The following C8orf34 variants were observed in gnomAD, a reference collection of about 807,000 sequenced individuals.
The protein encoded by C8orf34 is chromosome 8 open reading frame 34.
C8orf34 carries 65 observed loss-of-function variants against 68.3 expected under a neutral mutation model. That is an observed-to-expected ratio of 0.95 (90% CI 0.78 to 1.17). C8orf34 has a LOEUF of 1.17. Ranked by LOEUF, C8orf34 falls within the 50% of genes most tolerant of loss-of-function variation. The pLI is 0.00. For missense variants in C8orf34, 664 were observed against 655.4 expected (o/e 1.01, Z -0.14); for synonymous variants, 244 against 241.2 (o/e 1.01, Z -0.11).
chr8:68,441,342 T>C (rs1433036809), intron 2 of C8orf34, among the ~76,000 whole-genome samples: 1 of 152,136 alleles, frequency 6.6e-6, no homozygotes, highest in Non-Finnish European at 1.5e-5. Flanking sequence ...TCTGACTGAC[T>C]TTCAGCCAGG....
chr8:68,485,020 C>T (rs1197720328), intron 4 of C8orf34, among the ~76,000 whole-genome samples: 2 of 152,200 alleles, frequency 1.3e-5, no homozygotes, highest in Non-Finnish European at 2.9e-5. Flanking sequence ...ACCAAGTTTT[C>T]CATTTAGCTA....
At chr8:68,484,878 A>G (rs1813009314) in intron 4 of C8orf34, among the ~76,000 whole-genome samples, 1 of 152,248 alleles carries the variant, frequency 6.6e-6, no homozygotes, top group African/African-American at 2.4e-5. Context: ...TAGAGTGGAG[A>G]TTTATTTGGA....
chr8:68,725,608 C>T (rs1821806728), intron 10 of C8orf34, among the ~76,000 whole-genome samples: 1 of 152,072 alleles, frequency 6.6e-6, no homozygotes, highest in African/African-American at 2.4e-5. Context: ...TTGTCATTTC[C>T]GTGGCTTATC....
chr8:68,553,115 G>A (rs958346183), intron 7 of C8orf34, among the ~76,000 whole-genome samples: 3 of 151,916 alleles, frequency 2.0e-5, no homozygotes, highest in Admixed American at 6.6e-5. Flanking sequence ...GCCAGGCATG[G>A]TGGCTCACAC....
intron 4 of C8orf34, among the ~76,000 whole-genome samples, chr8:68,485,789 C>T (rs1369039546): frequency 1.3e-5 from 2 of 149,188 alleles, no homozygotes; most frequent in Admixed American, 6.7e-5. Context: ...TTTAAAAAAT[C>T]CCAAATAATT....
At chr8:68,587,538 T>A (rs1817243972) in intron 7 of C8orf34, among the ~76,000 whole-genome samples, 1 of 151,724 alleles carries the variant, frequency 6.6e-6, no homozygotes, top group African/African-American at 2.4e-5. Context: ...TCTTTTTGAG[T>A]GACACAAAGA....
intron 1 of C8orf34, among the ~76,000 whole-genome samples, chr8:68,429,292 A>G (rs942663642): frequency 1.3e-5 from 2 of 152,194 alleles, no homozygotes; most frequent in Non-Finnish European, 2.9e-5. Flanking sequence ...ACCATTGAAT[A>G]TATGAAAAGT....
chr8:68,626,621 A>G (rs1228486715), intron 7 of C8orf34, among the ~76,000 whole-genome samples: 3 of 152,220 alleles, frequency 2.0e-5, no homozygotes, highest in Non-Finnish European at 4.4e-5. Flanking sequence ...AATATCATCA[A>G]CTATGATACA....
intron 4 of C8orf34, among the ~76,000 whole-genome samples, chr8:68,473,402 C>A (rs1246796318): frequency 2.0e-5 from 3 of 152,130 alleles, no homozygotes; most frequent in Non-Finnish European, 4.4e-5. Flanking sequence ...ATAGGCTTTC[C>A]ACTTGGCAGG....
At chr8:68,448,892 A>G (rs1467901653) in intron 3 of C8orf34, among the ~76,000 whole-genome samples, 5 of 152,080 alleles carry the variant, frequency 3.3e-5, no homozygotes, top group Non-Finnish European at 7.4e-5. Context: ...AAGATAAAGG[A>G]TATTACCAGA....
chr8:68,475,590 A>G (rs1164321647), intron 4 of C8orf34, among the ~76,000 whole-genome samples: 2 of 152,148 alleles, frequency 1.3e-5, no homozygotes, highest in African/African-American at 2.4e-5. Flanking sequence ...CTGTTAGTAG[A>G]TTTGACTTGT....
chr8:68,594,036 T>A (rs1329256409), intron 7 of C8orf34, among the ~76,000 whole-genome samples: 4 of 152,150 alleles, frequency 2.6e-5, no homozygotes, highest in Admixed American at 6.6e-5. Flanking sequence ...ACAGAAGTTT[T>A]TTTAAAAATA....
chr8:68,594,941 T>C (rs909200384), intron 7 of C8orf34, among the ~76,000 whole-genome samples: 7 of 152,012 alleles, frequency 4.6e-5, no homozygotes, highest in Non-Finnish European at 8.8e-5. Context: ...AGATTTATTT[T>C]TACTTTATGG....
intron 3 of C8orf34, among the ~76,000 whole-genome samples, chr8:68,461,908 T>A (rs1331727592): frequency 6.6e-6 from 1 of 152,126 alleles, no homozygotes; most frequent in Non-Finnish European, 1.5e-5. Context: ...ACAGCTAACA[T>A]CATAATGACA....
intron 8 of C8orf34, among the ~76,000 whole-genome samples, chr8:68,673,070 A>T (rs1473236232): frequency 1.3e-5 from 2 of 152,054 alleles, no homozygotes; most frequent in African/African-American, 2.4e-5. Context: ...TTCTGGTAGG[A>T]TTAATCATCT....
chr8:68,651,012 T>C (rs991176273), intron 8 of C8orf34, among the ~76,000 whole-genome samples: 4 of 152,166 alleles, frequency 2.6e-5, no homozygotes, highest in African/African-American at 9.7e-5. Flanking sequence ...AAAGAAATGG[T>C]TTCTGCTTTT....
chr8:68,814,507 A>G (rs1015382512), intron 12 of C8orf34, among the ~76,000 whole-genome samples: 3 of 152,184 alleles, frequency 2.0e-5, no homozygotes, highest in Non-Finnish European at 4.4e-5. Context: ...TCCAGCATCT[A>G]CCTTCCATAT....
intron 8 of C8orf34, among the ~76,000 whole-genome samples, chr8:68,697,260 A>C (rs1820862318): frequency 6.6e-6 from 1 of 152,046 alleles, no homozygotes; most frequent in African/African-American, 2.4e-5. Context: ...TTATTTTCAC[A>C]GATAGTTATT....
intron 13 of C8orf34, among the ~76,000 whole-genome samples, chr8:68,816,650 C>T (rs892858340): frequency 6.6e-6 from 1 of 152,114 alleles, no homozygotes; most frequent in South Asian, 2.1e-4. Context: ...CCCTTGTCTG[C>T]TCATTTAATT....
Sources: allele counts gnomAD v4.1 joint callset (sites outside exome capture counted in the v4.1 genomes callset), GRCh38; gene constraint gnomAD v4.1.1; transcripts MANE v1.5; gene names NCBI Gene and HGNC (gene_info 2026-07-23, HGNC 2026-07-21).